Variants in TUSC2 observed in about 807,000 individuals in gnomAD.
The protein encoded by TUSC2 is tumor suppressor 2, mitochondrial calcium regulator, also known as tumor suppressor candidate 2.
In TUSC2, 7 loss-of-function variants were observed where a neutral mutation model predicts 11.5. The ratio of observed to expected loss-of-function variants is 0.61; its 90% CI spans 0.35 to 1.14. TUSC2 has a LOEUF of 1.14. Ranked by LOEUF, TUSC2 falls within the 50% of genes most tolerant of loss-of-function variation. The pLI is 0.03. For missense variants in TUSC2, 132 were observed against 155.0 expected (o/e 0.85, Z 0.79); for synonymous variants, 61 against 64.1 (o/e 0.95, Z 0.23).
At position 50,328,189 on chromosome 3, in the gene TUSC2, A is replaced by C; in HGVS notation, c.-90T>G. On this transcript the variant is annotated 5_prime_UTR_variant, in exon 1 of 3. Transcript: ENST00000232496. ...ATAACCTGCCCCAGCCGCTGATCGC[A>C]GGTGCCGCCGCCGCCGCCTTCCGCA... 2 of 1,283,158 alleles carry C rather than the reference A, an allele frequency of 1.6e-6. No individual in the cohort carries two copies. Among genetic ancestry groups the C allele is most frequent in the Non-Finnish European group, 2.0e-6 (2 of 1,009,922 alleles). 79.5% of individuals were successfully genotyped at this position (1,283,158 alleles called of 1,614,324 possible).
chr3:50,326,564 C>T (rs1387282330), intron 1 of TUSC2, 87 bp from the exon 2 acceptor site: 2 of 1,568,570 alleles, frequency 1.3e-6, no homozygotes, highest in Non-Finnish European at 1.7e-6. Flanking sequence ...AGTCTGTGGT[C>T]TTCCCAACCC....
chr3:50,327,901 G>T, intron 1 of TUSC2, 53 bp downstream of exon 1: 1 of 1,383,440 alleles, frequency 7.2e-7, no homozygotes, highest in South Asian at 1.6e-5. Context: ...CGTGGCGCGG[G>T]ACGCCTGGCC....
At position 50,326,423 on chromosome 3, in the gene TUSC2, T is replaced by A; in HGVS notation, c.201A>T (p.Thr67=). ...GCTTCTGCCCGTTCTTGGTGACGAT[T>A]GTCTCCTCATAGAACTCGTGAGCCA... ...GDLAHEFYEE[T]IVTKNGQKRA... Residue 67 remains threonine, a synonymous_variant, in exon 2 of 3, where the codon ACA becomes ACT. Coordinates refer to ENST00000232496, the MANE Select transcript of TUSC2 (RefSeq NM_007275.3). 6.2e-7 allele frequency: 1 copy of A among 1,614,054 alleles called. No homozygotes were observed. The highest frequency in any genetic ancestry group is 8.5e-7 in the Non-Finnish European group (1 of 1,180,018).
rs782237543 is a variant in TUSC2, at chr3:50,328,003, C to A, written c.97G>T (p.Val33Leu). 2 of 1,538,512 alleles carry A rather than the reference C, an allele frequency of 1.3e-6. No homozygotes were observed. Among genetic ancestry groups the A allele is most frequent in the Non-Finnish European group, 1.7e-6 (2 of 1,144,974 alleles). Residue 33 changes from valine to leucine, a missense_variant, in exon 1 of 3, where the codon GTG becomes TTG. Around this residue, in one of 3 missense-constraint regions of TUSC2, gnomAD observed 50 missense variants for 27.9 expected, o/e 1.79. Transcript: ENST00000232496. ...GGCACAGCTCGGCCCCGAGGCCGCA[C>A]CAAAGCTTGCTCAGCTCCTGCTGCC... Reference protein sequence around the residue: ...SEAAGAEQALVRPRGRAVPPF... With the variant: ...SEAAGAEQALLRPRGRAVPPF...
intron 1 of TUSC2, chr3:50,326,901 A>C: frequency 3.0e-6 from 1 of 328,842 alleles, no homozygotes; most frequent in South Asian, 2.4e-5. Context: ...TACAGGCGTG[A>C]GCCACGGTGC....
At position 50,328,204 on chromosome 3, in the gene TUSC2, C is replaced by G; in HGVS notation, c.-105G>C. The G allele has an allele frequency of 8.0e-7, 1 of 1,256,884 alleles. No homozygotes were observed. The highest frequency in any genetic ancestry group is 4.1e-5 in the Admixed American group (1 of 24,246). 77.9% of individuals were successfully genotyped at this position (1,256,884 alleles called of 1,614,324 possible). On this transcript the variant is annotated 5_prime_UTR_variant, in exon 1 of 3. Coordinates refer to ENST00000232496, the MANE Select transcript of TUSC2 (RefSeq NM_007275.3). ...CGCTGATCGCAGGTGCCGCCGCCGC[C>G]GCCTTCCGCAGGCTCGGCTGTCTCC...
chr3:50,326,908 G>T, intron 1 of TUSC2: 1 of 330,376 alleles, frequency 3.0e-6, no homozygotes, highest in Non-Finnish European at 6.0e-6. Flanking sequence ...GTGAGCCACG[G>T]TGCCTGGCCT....
chr3:50,326,567 C>T, intron 1 of TUSC2, 90 bp from the exon 2 acceptor site: 7 of 1,566,820 alleles, frequency 4.5e-6, no homozygotes, highest in Non-Finnish European at 6.1e-6. Context: ...CTGTGGTCTT[C>T]CCAACCCCAA....
chr3:50,326,680 C>T (rs896637647), intron 1 of TUSC2, among the ~76,000 whole-genome samples: 5 of 152,120 alleles, frequency 3.3e-5, no homozygotes, highest in African/African-American at 9.7e-5. Context: ...TGCAGTGGCG[C>T]GATCTCAGCT....
chr3:50,327,147 G>A (rs1553717483), intron 1 of TUSC2: 5 of 456,604 alleles, frequency 1.1e-5, no homozygotes, highest in Non-Finnish European at 2.2e-5. Context: ...TGGGCAGGGT[G>A]GTGGCCTGGG....
intron 1 of TUSC2, chr3:50,326,950 T>G: frequency 6.1e-6 from 2 of 326,576 alleles, no homozygotes; most frequent in South Asian, 2.4e-5. Flanking sequence ...GGGTTTGGGG[T>G]CTACTAGAAG....
chr3:50,326,018 G>T lies in TUSC2; in HGVS notation c.*103C>A. The T allele has an allele frequency of 7.2e-7, 1 of 1,389,244 alleles. No homozygotes were observed. The highest frequency in any genetic ancestry group is 1.0e-6 in the Non-Finnish European group (1 of 1,004,300). 86.1% of individuals were successfully genotyped at this position (1,389,244 alleles called of 1,614,324 possible). On this transcript the variant is annotated 3_prime_UTR_variant, in exon 3 of 3. Transcript: ENST00000232496. ...TTATGGGCCAACAGAGTTTATTCAGGGTTGTGGCCCCAGCCTGGGCTCCTC... is the reference window on the plus strand; with the variant it reads ...TTATGGGCCAACAGAGTTTATTCAGTGTTGTGGCCCCAGCCTGGGCTCCTC...
At position 50,326,165 on chromosome 3, in the gene TUSC2, G is replaced by T; in HGVS notation, c.289C>A (p.Pro97Thr). 1 of 1,600,256 alleles carries T rather than the reference G, an allele frequency of 6.2e-7. No individual in the cohort carries two copies. Among genetic ancestry groups the T allele is most frequent in the East Asian group, 2.3e-5 (1 of 44,340 alleles). ...ACAGGGAAATCCACGTGGATGCGGG[G>T]GTGATCCAGCTTCACGATGCCCTGC... ...IPQGIVKLDH[P>T]RIHVDFPVIL... is the part of the protein sequence containing the mutation. The change falls in exon 3 of 3, where the codon CCC becomes ACC. Residue 97 changes from proline (P) to threonine (T), a missense_variant. Pro to Thr is a conservative substitution (Grantham distance 38, BLOSUM62 -1). Coordinates refer to ENST00000232496, the MANE Select transcript of TUSC2 (RefSeq NM_007275.3).
intron 1 of TUSC2, 59 bp from the exon 2 acceptor site, chr3:50,326,536 T>C: frequency 1.2e-6 from 2 of 1,600,114 alleles, no homozygotes; most frequent in South Asian, 2.2e-5. Flanking sequence ...GCATGGCAAA[T>C]GTCACAGGTC....
rs1452949092 is a variant in TUSC2 at position 50,325,345 on chromosome 3, T to A, written c.*776A>T. 1.3e-5 allele frequency: 2 copies of A among 151,050 alleles called. No homozygotes were observed. The highest frequency in any genetic ancestry group is 4.9e-5 in the African/African-American group (2 of 40,904). The allele number at this position is 151,050 out of a possible 1,614,324, so 9.4% of individuals were successfully genotyped here. ...AGCCATGGAGATTAGACAGAATAGG[T>A]GGGTTGGAGTAACTCCCCATAGGCA... is the stretch of plus-strand genomic sequence containing the variant. On this transcript the variant is annotated 3_prime_UTR_variant, in exon 3 of 3. Coordinates refer to ENST00000232496, the MANE Select transcript of TUSC2 (RefSeq NM_007275.3). This position sits in a 1 kb window ranked among gnomAD's most constrained non-coding sequence, Gnocchi z 5.1.
At chr3:50,327,395 C>T (rs587616696) in intron 1 of TUSC2, among the ~76,000 whole-genome samples, 2 of 151,616 alleles carry the variant, frequency 1.3e-5, no homozygotes, top group Admixed American at 6.6e-5. Context: ...TACTCTTGTG[C>T]GGGCCTCTGG....
Position 50,326,029 on chromosome 3 carries a change from C to A in TUSC2, c.*92G>T. The A allele has an allele frequency of 6.7e-7, 1 of 1,482,200 alleles. No individual in the cohort carries two copies. The highest frequency in any genetic ancestry group is 9.2e-7 in the Non-Finnish European group (1 of 1,086,584). 91.8% of individuals were successfully genotyped at this position (1,482,200 alleles called of 1,614,324 possible). A position where few individuals can be genotyped will look rare whatever the true frequency, so the allele number is the denominator to read the frequency against. On this transcript the variant is annotated 3_prime_UTR_variant, in exon 3 of 3. Transcript: ENST00000232496. The stretch of plus-strand genomic sequence containing the variant: ...CAGAGTTTATTCAGGGTTGTGGCCC[C>A]AGCCTGGGCTCCTCAATGGAAGCCA...
Position 50,325,932 on chromosome 3 carries a change from T to C in TUSC2, c.*189A>G. 1 of 705,998 alleles carries C rather than the reference T, an allele frequency of 1.4e-6. No homozygotes were observed. Among genetic ancestry groups the C allele is most frequent in the East Asian group, 2.8e-5 (1 of 36,350 alleles). 43.7% of individuals were successfully genotyped at this position (705,998 alleles called of 1,614,324 possible). A position where few individuals can be genotyped will look rare whatever the true frequency, so the allele number is the denominator to read the frequency against. The stretch of plus-strand genomic sequence containing the variant: ...CCTTCACCACCCACCAACCACCTCT[T>C]GTCCACACACAAACCAACACCCAAC... On this transcript the variant is annotated 3_prime_UTR_variant, in exon 3 of 3. Coordinates refer to ENST00000232496, the MANE Select transcript of TUSC2 (RefSeq NM_007275.3). This position sits in a 1 kb window ranked among gnomAD's most constrained non-coding sequence, Gnocchi z 5.1.
At position 50,328,101 on chromosome 3, in the gene TUSC2, T is replaced by C; in HGVS notation, c.-2A>G. On this transcript the variant is annotated 5_prime_UTR_variant, in exon 1 of 3. The change abolishes the stop of an existing upstream ORF in the 5' untranslated region. Coordinates refer to ENST00000232496, the MANE Select transcript of TUSC2 (RefSeq NM_007275.3). ...AGCTTTGGACCCGCTGGCGCCCATG[T>C]CAGGGCCGCCGGCGCATGGCGGGCC... The C allele has an allele frequency of 7.2e-7, 1 of 1,380,926 alleles. No individual in the cohort carries two copies. The highest frequency in any genetic ancestry group is 9.4e-7 in the Non-Finnish European group (1 of 1,067,824). The allele number at this position is 1,380,926 out of a possible 1,614,324, so 85.5% of individuals were successfully genotyped here. A position where few individuals can be genotyped will look rare whatever the true frequency, so the allele number is the denominator to read the frequency against.
Sources: allele counts gnomAD v4.1 joint callset (sites outside exome capture counted in the v4.1 genomes callset), GRCh38; gene constraint gnomAD v4.1.1; regional missense constraint gnomAD v4.1.1; non-coding constraint Gnocchi (gnomAD v3.1); transcripts MANE v1.5; gene names NCBI Gene and HGNC (gene_info 2026-07-23, HGNC 2026-07-21).